TRPM2: variants seen among roughly 807,000 people sequenced by gnomAD.
TRPM2 encodes the protein transient receptor potential cation channel subfamily M member 2.
Under a neutral mutation model 174.0 loss-of-function variants are expected in TRPM2, and 161 were observed. That is an observed-to-expected ratio of 0.93 (90% CI 0.81 to 1.05). The LOEUF (loss-of-function observed/expected upper bound fraction) is 1.05, where lower values mean the gene tolerates loss of function less well. Ranked by LOEUF, TRPM2 falls within the 50% of genes least tolerant of loss-of-function variation. The pLI, the probability that TRPM2 is intolerant of heterozygous loss-of-function variation, is 0.00. For missense variants in TRPM2, 2,057 were observed against 2,038.0 expected, an observed-to-expected ratio of 1.01 and a Z score of -0.18; for synonymous variants, 954 against 861.3, an observed-to-expected ratio of 1.11 and a Z score of -1.88.
chr21:44,369,224 G>A lies in TRPM2; in HGVS notation c.652G>A (p.Val218Ile). Residue 218 changes from valine to isoleucine, a missense_variant, in exon 5 of 32, where the codon GTA becomes ATA. By Grantham distance (29) the Val-to-Ile change is conservative. Coordinates refer to ENST00000397928, the MANE Select transcript of TRPM2 (RefSeq NM_003307.4). ...GTCCCACACCGGCGTCATGAAGCAGGTAGGCGAGGCGGTGCGGGACTTCAG... is the reference window on the plus strand; with the variant it reads ...GTCCCACACCGGCGTCATGAAGCAGATAGGCGAGGCGGTGCGGGACTTCAG... ...GGSHTGVMKQ[V>I]GEAVRDFSLS... 6.2e-7 allele frequency: 1 copy of A among 1,613,584 alleles called. No individual in the cohort carries two copies. Among genetic ancestry groups the A allele is most frequent in the East Asian group, 2.2e-5 (1 of 44,860 alleles).
chr21:44,434,747 G>A (rs1209324902), intron 27 of TRPM2, among the ~76,000 whole-genome samples: 1 of 152,108 alleles, frequency 6.6e-6, no homozygotes, highest in African/African-American at 2.4e-5. Context: ...CCCTCGGAAG[G>A]CTGCCAGGAT....
At chr21:44,386,150 C>T (rs533614284) in intron 9 of TRPM2, among the ~76,000 whole-genome samples, 49 of 152,248 alleles carry the variant, frequency 3.2e-4, no homozygotes, top group Admixed American at 1.9e-3. Flanking sequence ...CTTTGGGAGG[C>T]GGAGGTGGGC....
Position 44,398,206 on chromosome 21 carries a change from G to GTTTTTTTTTTTTTTTTT in TRPM2, c.2062+342_2062+343insTTTTTTTTTTTTTTTTT, listed in dbSNP as rs34051764. ...CAGTCTCCCTGAAAATTTGGAGACTGTTTTTTTTTTTTGAGATGGAGTGTC... is the reference window on the plus strand; with the variant it reads ...CAGTCTCCCTGAAAATTTGGAGACTGTTTTTTTTTTTTTTTTTTTTTTTTTTTTTGAGATGGAGTGTC... On this transcript the variant is annotated intron_variant, in intron 13 of 31. Coordinates refer to ENST00000397928, the MANE Select transcript of TRPM2 (RefSeq NM_003307.4). Among the ~76,000 whole-genome samples the GTTTTTTTTTTTTTTTTT allele has an allele frequency of 3.3e-3, 472 of 144,646 alleles. 13 individuals are homozygous for GTTTTTTTTTTTTTTTTT. Among genetic ancestry groups the GTTTTTTTTTTTTTTTTT allele is most frequent in the African/African-American group, 0.011 (422 of 37,482 alleles). 94.9% of individuals were successfully genotyped at this position (144,646 alleles called of 152,430 possible). A position where few individuals can be genotyped will look rare whatever the true frequency, so the allele number is the denominator to read the frequency against.
chr21:44,400,439 C>T lies in TRPM2; in HGVS notation c.2321+68C>T, dbSNP rs564768457. The T allele has an allele frequency of 2.2e-5, 30 of 1,367,542 alleles. No homozygotes were observed. The South Asian group carries it at 3.3e-4, about 15-fold the overall frequency. The allele number at this position is 1,367,542 out of a possible 1,614,324, so 84.7% of individuals were successfully genotyped here. A position where few individuals can be genotyped will look rare whatever the true frequency, so the allele number is the denominator to read the frequency against. ...GCTGCGGGAGAGGCTCCTGGGGGCT[C>T]AGGATCTTCCCTAGATCCCCTCGCT... On this transcript the variant is annotated intron_variant, in intron 15 of 31. Transcript: ENST00000397928.
chr21:44,410,336 A>G (rs1304576976), intron 19 of TRPM2, among the ~76,000 whole-genome samples: 5 of 71,138 alleles, frequency 7.0e-5, no homozygotes, highest in South Asian at 4.4e-4. Context: ...TTTTGACCAC[A>G]CTGTCTTGGT....
At position 44,398,408 on chromosome 21, in the gene TRPM2, T is replaced by C. The variant is rs182896115; in HGVS notation, c.2062+532T>C. Among the ~76,000 whole-genome samples the C allele has an allele frequency of 4.5e-3, 678 of 152,112 alleles. 5 individuals are homozygous for C. The highest frequency in any genetic ancestry group is 0.015 in the African/African-American group (639 of 41,494). ...TAGAGATGGGGTTTCATCATATTGG[T>C]CAGGCTGGTCTCAAACTCCTAACCT... On this transcript the variant is annotated intron_variant, in intron 13 of 31. Coordinates refer to ENST00000397928, the MANE Select transcript of TRPM2 (RefSeq NM_003307.4).
chr21:44,427,202 T>C (rs149082871), intron 27 of TRPM2, 91 bp downstream of exon 27: 37 of 1,159,446 alleles, frequency 3.2e-5, no homozygotes, highest in Non-Finnish European at 4.1e-5. Flanking sequence ...AGCATTTTTC[T>C]CATAAAACAA....
In TRPM2 at chr21:44,440,859, T is replaced by G; in HGVS notation, c.4340T>G (p.Val1447Gly). ...TGGATCGAGACGGTGGCCGTCAGCG[T>G]CCACTTCCAGGACCAGAATGACGTG... ...NAWIETVAVSVHFQDQNDVEL... is the reference protein window; with the variant it reads ...NAWIETVAVSGHFQDQNDVEL... The change falls in exon 31 of 32, where the codon GTC becomes GGC. Residue 1447 changes from valine (V) to glycine (G), a missense_variant. By Grantham distance (109) the Val-to-Gly change is moderately radical (BLOSUM62 -3). Coordinates refer to ENST00000397928, the MANE Select transcript of TRPM2 (RefSeq NM_003307.4). 6.2e-7 allele frequency: 1 copy of G among 1,613,920 alleles called. No individual in the cohort carries two copies. The highest frequency in any genetic ancestry group is 8.5e-7 in the Non-Finnish European group (1 of 1,179,966).
chr21:44,437,166 G>A lies in TRPM2; in HGVS notation c.4166G>A (p.Gly1389Glu), dbSNP rs1168512407. 1 of 1,550,970 alleles carries A rather than the reference G, an allele frequency of 6.4e-7. No homozygotes were observed. ...CTCTCCGAGCACTGGGCCCTGCCTG[G>A]GGTAAGGCTGCCGCGTGTGGGACCT... ...LPLSEHWALP[G>E]GSREPGEMLP... Residue 1389 changes from glycine to glutamate, a missense_variant and splice_region_variant, in exon 29 of 32, where the codon GGG becomes GAG. Coordinates refer to ENST00000397928, the MANE Select transcript of TRPM2 (RefSeq NM_003307.4).
chr21:44,367,805 C>A lies in TRPM2; in HGVS notation c.604+871C>A, dbSNP rs990842252. On this transcript the variant is annotated intron_variant, in intron 4 of 31. Transcript: ENST00000397928. This position sits in a 1 kb window ranked among gnomAD's most constrained non-coding sequence, Gnocchi z 4.6. ...CAGAGTCCTCAGTTTCATTGTCTGC[C>A]TGGTGAGCGTGAGGCACGGCTGCAT... is the stretch of plus-strand genomic sequence containing the variant. Among the ~76,000 whole-genome samples the A allele has an allele frequency of 1.3e-5, 2 of 152,234 alleles. No homozygotes were observed. The highest frequency in any genetic ancestry group is 2.9e-5 in the Non-Finnish European group (2 of 68,048).
chr21:44,405,820 G>A, intron 17 of TRPM2, 85 bp from the exon 18 acceptor site: 1 of 1,523,442 alleles, frequency 6.6e-7, no homozygotes, highest in East Asian at 2.3e-5. Context: ...CCTGGGCTAG[G>A]ACAGGTGGAG....
chr21:44,427,257 C>T, intron 27 of TRPM2, 146 bp downstream of exon 27: 1 of 714,956 alleles, frequency 1.4e-6, no homozygotes. Flanking sequence ...AAAACATCAA[C>T]TCACTGCATC....
upstream of TRPM2, among the ~76,000 whole-genome samples, chr21:44,352,219 G>A (rs2123000232): frequency 6.8e-3 from 1,041 of 152,336 alleles, 8 homozygotes; most frequent in African/African-American, 0.023. Context: ...ACTGGCATGC[G>A]GCACAACATC....
At chr21:44,373,638 G>GCATTATATGC (rs2048609872) in intron 5 of TRPM2, among the ~76,000 whole-genome samples, 3 of 142,822 alleles carry the variant, frequency 2.1e-5, no homozygotes, top group African/African-American at 5.9e-5. Flanking sequence ...TATGCGACCC[G>GCATTATATGC]GATAGGCTGA....
chr21:44,384,340 C>G (rs143020232), intron 9 of TRPM2, among the ~76,000 whole-genome samples: 3 of 152,286 alleles, frequency 2.0e-5, no homozygotes, highest in Non-Finnish European at 2.9e-5. Context: ...ACCATCCTTG[C>G]CTTCCCAGAG....
In TRPM2 at chr21:44,403,146, C is replaced by A. The variant is rs547702622; in HGVS notation, c.2538+1249C>A. On this transcript the variant is annotated intron_variant, in intron 16 of 31. Transcript: ENST00000397928. ...ACAAGGGGCCAGAGGCCTCCATGCA[C>A]CCCCAGCCCCAGCCCCATGGGCAGC... Among the ~76,000 whole-genome samples, 13 of 152,282 alleles carry A rather than the reference C, an allele frequency of 8.5e-5. No individual in the cohort carries two copies. In the South Asian group the frequency reaches 2.5e-3, roughly 29 times the overall value.
intron 16 of TRPM2, among the ~76,000 whole-genome samples, chr21:44,404,360 A>G (rs1373160106): frequency 7.0e-6 from 1 of 143,880 alleles, no homozygotes; most frequent in African/African-American, 2.6e-5. Context: ...ATGCAGACAC[A>G]TACAGAATGC....
chr21:44,361,399 T>G (rs1371310637), intron 2 of TRPM2, among the ~76,000 whole-genome samples: 1 of 152,132 alleles, frequency 6.6e-6, no homozygotes, highest in Non-Finnish European at 1.5e-5. Context: ...AGGTGTGAGC[T>G]ACCACACTCG....
At chr21:44,383,064 G>A (rs114794557) in intron 9 of TRPM2, among the ~76,000 whole-genome samples, 1 of 152,152 alleles carries the variant, frequency 6.6e-6, no homozygotes, top group African/African-American at 2.4e-5. Context: ...TTTTACCTTT[G>A]TAGTGGTCAT....
Sources: allele counts gnomAD v4.1 joint callset (sites outside exome capture counted in the v4.1 genomes callset), GRCh38; gene constraint gnomAD v4.1.1; non-coding constraint Gnocchi (gnomAD v3.1); transcripts MANE v1.5; gene names NCBI Gene and HGNC (gene_info 2026-07-23, HGNC 2026-07-21).